Variants in CA10 observed in about 807,000 individuals in gnomAD.
The protein encoded by CA10 is carbonic anhydrase-related protein 10.
Under a neutral mutation model 44.2 loss-of-function variants are expected in CA10, and 14 were observed. That is an observed-to-expected ratio of 0.32 (90% CI 0.21 to 0.50). The LOEUF is 0.50. Among genes scored for constraint, CA10 ranks in the 20% least tolerant of loss-of-function variants. The pLI is 0.99. For synonymous variants in CA10, 159 were observed against 141.6 expected (o/e 1.12, Z -0.87); for missense variants, 350 against 409.7 (o/e 0.85, Z 1.26).
chr17:52,049,840 T>C (rs759180696), intron 2 of CA10, among the ~76,000 whole-genome samples: 2 of 152,108 alleles, frequency 1.3e-5, no homozygotes, highest in Admixed American at 6.6e-5. Context: ...TATACAACCA[T>C]AATCCTATAA....
intron 2 of CA10, among the ~76,000 whole-genome samples, chr17:51,979,120 T>C (rs933461935): frequency 5.9e-5 from 9 of 152,036 alleles, no homozygotes; most frequent in African/African-American, 2.2e-4. Flanking sequence ...AATCCTTTAA[T>C]TTCTTATGCC....
chr17:52,023,697 C>CAA lies in CA10; in HGVS notation c.136+48620_136+48621dup, dbSNP rs59000757. ...AGTAAACAGACAGCTTACAGAATGG[C>CAA]AAAAAAAAAAACTTGCAAAGTATGC... is the stretch of plus-strand genomic sequence containing the variant. On this transcript the variant is annotated intron_variant, in intron 2 of 8. Coordinates refer to ENST00000451037, the MANE Select transcript of CA10 (RefSeq NM_020178.5). 9.5e-3 allele frequency among the ~76,000 whole-genome samples: 1,394 copies of CAA among 147,458 alleles called. 13 individuals are homozygous for CAA. Among genetic ancestry groups the CAA allele is most frequent in the Middle Eastern group, 0.031 (9 of 288 alleles).
At chr17:52,065,461 T>G (rs576898957) in intron 2 of CA10, among the ~76,000 whole-genome samples, 1 of 152,292 alleles carries the variant, frequency 6.6e-6, no homozygotes, top group South Asian at 2.1e-4. Context: ...ATTGAGCCCC[T>G]GGTGCATGGA....
Position 51,977,433 on chromosome 17 carries a change from GA to G in CA10, c.137-46302del, listed in dbSNP as rs554102350. 1.3e-3 allele frequency among the ~76,000 whole-genome samples: 193 copies of G among 151,648 alleles called. 1 individual carries two copies. Among genetic ancestry groups the G allele is most frequent in the Admixed American group, 2.7e-3 (41 of 15,246 alleles). On this transcript the variant is annotated intron_variant, in intron 2 of 8. Coordinates refer to ENST00000451037, the MANE Select transcript of CA10 (RefSeq NM_020178.5). ...GGATTTACTCCATTAAAATATTAAA[GA>G]AAAAAAGCATATAATCATTTAGATT...
At chr17:51,875,742 T>A (rs1007847355) in intron 3 of CA10, among the ~76,000 whole-genome samples, 2 of 152,308 alleles carry the variant, frequency 1.3e-5, no homozygotes, top group Admixed American at 1.3e-4. Flanking sequence ...TTGTAGCCAC[T>A]GCCAAAATCA....
intron 2 of CA10, among the ~76,000 whole-genome samples, chr17:52,034,572 C>T (rs1986562639): frequency 6.6e-6 from 1 of 151,968 alleles, no homozygotes; most frequent in South Asian, 2.1e-4. Context: ...ACATAGGAGT[C>T]CCCTCTATTT....
intron 2 of CA10, among the ~76,000 whole-genome samples, chr17:51,974,892 G>A (rs1463440150): frequency 6.6e-6 from 1 of 151,978 alleles, no homozygotes; most frequent in Non-Finnish European, 1.5e-5. Flanking sequence ...AGACATTTCA[G>A]TAAAAAACTA....
At chr17:51,853,410 T>C (rs1398687002) in intron 3 of CA10, among the ~76,000 whole-genome samples, 1 of 152,204 alleles carries the variant, frequency 6.6e-6, no homozygotes, top group Non-Finnish European at 1.5e-5. Flanking sequence ...CCTTGCTCCA[T>C]GTGCAGGGAG....
chr17:52,044,347 A>G (rs559085170), intron 2 of CA10, among the ~76,000 whole-genome samples: 1 of 152,158 alleles, frequency 6.6e-6, no homozygotes, highest in Non-Finnish European at 1.5e-5. Flanking sequence ...TCTGTTGCCC[A>G]TGCTGGGGTA....
chr17:52,070,456 G>A (rs939431682), intron 2 of CA10: 1 of 152,108 alleles, frequency 6.6e-6, no homozygotes, highest in Non-Finnish European at 1.5e-5. Context: ...GGCTGATTTA[G>A]TCCTTATCTC....
At chr17:51,832,951 GT>G (rs1362518857) in intron 3 of CA10, among the ~76,000 whole-genome samples, 2 of 152,128 alleles carry the variant, frequency 1.3e-5, no homozygotes, top group African/African-American at 4.8e-5. Context: ...GGAAGTATGG[GT>G]GGAGGCTTCT....
At chr17:52,013,630 T>C (rs1985878487) in intron 2 of CA10, among the ~76,000 whole-genome samples, 2 of 151,944 alleles carry the variant, frequency 1.3e-5, no homozygotes, top group Admixed American at 1.3e-4. Context: ...AAACAACTTG[T>C]TAGAGTATAT....
Position 51,717,721 on chromosome 17 carries a change from A to ATGCATG in CA10, c.465+29911_465+29912insCATGCA, listed in dbSNP as rs2143516285. Among the ~76,000 whole-genome samples the ATGCATG allele has an allele frequency of 1.2e-4, 7 of 56,744 alleles. 2 individuals are homozygous for ATGCATG. Among genetic ancestry groups the ATGCATG allele is most frequent in the East Asian group, 8.3e-4 (1 of 1,202 alleles). 37.2% of individuals were successfully genotyped at this position (56,744 alleles called of 152,430 possible). A position where few individuals can be genotyped will look rare whatever the true frequency, so the allele number is the denominator to read the frequency against. On this transcript the variant is annotated intron_variant, in intron 4 of 8. Transcript: ENST00000451037. ...TGCATGTATATATACATATATACGT[A>ATGCATG]TATATACATATATACGTATATATAC...
At chr17:52,098,749 G>A (rs1030886594) in intron 1 of CA10, among the ~76,000 whole-genome samples, 1 of 152,144 alleles carries the variant, frequency 6.6e-6, no homozygotes, top group African/African-American at 2.4e-5. Context: ...CATAGAGAAG[G>A]TATACCTAGC....
intron 3 of CA10, among the ~76,000 whole-genome samples, chr17:51,820,907 T>C (rs1441598768): frequency 6.6e-6 from 1 of 152,112 alleles, no homozygotes; most frequent in Non-Finnish European, 1.5e-5. Flanking sequence ...GTGATTTATT[T>C]TGGATAGCAA....
chr17:52,125,951 C>G (rs1226308095), intron 1 of CA10, among the ~76,000 whole-genome samples: 1 of 152,106 alleles, frequency 6.6e-6, no homozygotes, highest in African/African-American at 2.4e-5. Flanking sequence ...TTCATTCATT[C>G]TTTCAACAGC....
chr17:51,904,214 C>G (rs1379472678), intron 3 of CA10, among the ~76,000 whole-genome samples: 1 of 151,660 alleles, frequency 6.6e-6, no homozygotes, highest in African/African-American at 2.4e-5. Flanking sequence ...AAAAAAAACT[C>G]TTATTATATT....
intron 2 of CA10, among the ~76,000 whole-genome samples, chr17:51,933,374 G>A (rs905329844): frequency 6.6e-6 from 1 of 152,170 alleles, no homozygotes; most frequent in East Asian, 1.9e-4. Flanking sequence ...TCAGCCAGGA[G>A]AGAAGATAAT....
intron 3 of CA10, among the ~76,000 whole-genome samples, chr17:51,864,943 C>T (rs1255017403): frequency 2.0e-5 from 3 of 152,044 alleles, no homozygotes; most frequent in Non-Finnish European, 4.4e-5. Flanking sequence ...TTATTGAGTG[C>T]CTTGTATGTG....
Sources: allele counts gnomAD v4.1 joint callset (sites outside exome capture counted in the v4.1 genomes callset), GRCh38; gene constraint gnomAD v4.1.1; transcripts MANE v1.5; gene names NCBI Gene and HGNC (gene_info 2026-07-23, HGNC 2026-07-21).